FOCAD: variants seen among roughly 807,000 people sequenced by gnomAD.
FOCAD encodes the protein KIAA1797.
In FOCAD, 198 loss-of-function variants were observed where a neutral mutation model predicts 225.6. The observed-to-expected ratio is 0.88, with a 90% CI of 0.78 to 0.99. FOCAD has a LOEUF of 0.99. Among genes scored for constraint, FOCAD ranks in the 50% least tolerant of loss-of-function variants. The probability of loss-of-function intolerance (pLI) is 0.00; values close to 1 mark genes in which losing one functional copy is unlikely to be tolerated. For missense variants in FOCAD, 2,713 were observed against 2,123.6 expected (o/e 1.28, Z -5.46); for synonymous variants, 897 against 755.0 (o/e 1.19, Z -3.08).
chr9:20,749,856 T>G (rs894162699), intron 5 of FOCAD, among the ~76,000 whole-genome samples: 5 of 152,120 alleles, frequency 3.3e-5, no homozygotes, highest in African/African-American at 9.7e-5. Context: ...CTATTTTTTT[T>G]AACCCCCTCA....
At chr9:20,940,519 G>T (rs913996382) in intron 28 of FOCAD, among the ~76,000 whole-genome samples, 1 of 151,966 alleles carries the variant, frequency 6.6e-6, no homozygotes, top group African/African-American at 2.4e-5. Context: ...TCCTGGCCTC[G>T]AGTAATCCTC....
rs185786107 is a variant in FOCAD, at chr9:20,772,050, C to G, written c.906+1812C>G. On this transcript the variant is annotated intron_variant, in intron 8 of 43. Coordinates refer to ENST00000338382, the MANE Select transcript of FOCAD (RefSeq NM_001375567.1). Reference sequence around the variant, plus strand: ...ACATTTTGAGAGGACACAGTTCAGCCCATAGTGAGGGCCTAATGAGGGAAA... The same window carrying G: ...ACATTTTGAGAGGACACAGTTCAGCGCATAGTGAGGGCCTAATGAGGGAAA... 2.2e-3 allele frequency among the ~76,000 whole-genome samples: 340 copies of G among 152,178 alleles called. 1 individual carries two copies. Among genetic ancestry groups the G allele is most frequent in the Non-Finnish European group, 2.1e-3 (144 of 68,008 alleles).
intron 42 of FOCAD, 74 bp from the exon 43 acceptor site, chr9:20,993,179 G>T: frequency 7.9e-7 from 1 of 1,259,484 alleles, no homozygotes; most frequent in Non-Finnish European, 1.2e-6. Context: ...ATATATATAG[G>T]TCCAAGGGAA....
intron 18 of FOCAD, among the ~76,000 whole-genome samples, chr9:20,871,025 A>C (rs1298748915): frequency 6.6e-6 from 1 of 152,068 alleles, no homozygotes; most frequent in Admixed American, 6.6e-5. Flanking sequence ...CAGCAAGGTG[A>C]AACCCCCTCT....
rs191502388 is a variant in FOCAD, at chr9:20,967,179, A to G, written c.4133-9241A>G. On this transcript the variant is annotated intron_variant, in intron 35 of 43. Transcript: ENST00000338382. ...ACACAAGATGTCTTTCTATTTATTT[A>G]GGGCTGCTTTAATCTCTTTAGCATA... Among the ~76,000 whole-genome samples, 779 of 152,156 alleles carry G rather than the reference A, an allele frequency of 5.1e-3. 4 individuals carry two copies. Among genetic ancestry groups the G allele is most frequent in the Non-Finnish European group, 7.1e-3 (483 of 67,966 alleles).
At chr9:20,816,646 A>G (rs1823756650) in intron 11 of FOCAD, among the ~76,000 whole-genome samples, 1 of 152,140 alleles carries the variant, frequency 6.6e-6, no homozygotes, top group Admixed American at 6.6e-5. Flanking sequence ...AAATTGAATT[A>G]AAATAGATGT....
chr9:20,767,445 T>A (rs1313407312), intron 7 of FOCAD, among the ~76,000 whole-genome samples: 3 of 147,448 alleles, frequency 2.0e-5, no homozygotes, highest in East Asian at 3.9e-4. Flanking sequence ...CCACCAACAG[T>A]GTAAAAGTGT....
chr9:20,778,231 G>A (rs914157173), intron 8 of FOCAD, among the ~76,000 whole-genome samples: 2 of 151,412 alleles, frequency 1.3e-5, no homozygotes, highest in Admixed American at 6.6e-5. Context: ...ATGTGTGACT[G>A]TGTGGCATTG....
intron 18 of FOCAD, among the ~76,000 whole-genome samples, chr9:20,869,934 AT>A (rs1262371468): frequency 6.6e-6 from 1 of 152,006 alleles, no homozygotes; most frequent in Admixed American, 6.6e-5. Flanking sequence ...GATAAGAATG[AT>A]TTTTCCCTTT....
At chr9:20,882,192 G>A (rs1830728042) in intron 20 of FOCAD, 136 bp downstream of exon 20, 22 of 756,354 alleles carry the variant, frequency 2.9e-5, no homozygotes, top group Middle Eastern at 3.7e-4. Context: ...AAAAATCATC[G>A]CACTTTAAAA....
chr9:20,881,641 A>C (rs1244919185), intron 19 of FOCAD, among the ~76,000 whole-genome samples: 1 of 152,158 alleles, frequency 6.6e-6, no homozygotes, highest in Non-Finnish European at 1.5e-5. Flanking sequence ...TTGCTAATGG[A>C]TTACATGTAA....
intron 21 of FOCAD, among the ~76,000 whole-genome samples, chr9:20,900,643 G>C (rs761806671): frequency 6.6e-6 from 1 of 151,856 alleles, no homozygotes; most frequent in Non-Finnish European, 1.5e-5. Flanking sequence ...TGAACATTGT[G>C]AATAATAATG....
intron 15 of FOCAD, among the ~76,000 whole-genome samples, chr9:20,825,993 G>A (rs1044313281): frequency 3.3e-5 from 5 of 152,034 alleles, no homozygotes; most frequent in Admixed American, 3.3e-4. Flanking sequence ...AGAGAAATTT[G>A]TCCCTTCCTT....
chr9:20,691,345 T>G (rs974226132), intron 1 of FOCAD, among the ~76,000 whole-genome samples: 4 of 152,182 alleles, frequency 2.6e-5, no homozygotes, highest in Non-Finnish European at 4.4e-5. Flanking sequence ...CTTTACTGGT[T>G]CTTCCTTATC....
At chr9:20,749,400 T>C (rs1336240981) in intron 5 of FOCAD, among the ~76,000 whole-genome samples, 4 of 152,282 alleles carry the variant, frequency 2.6e-5, no homozygotes, top group Non-Finnish European at 4.4e-5. Flanking sequence ...TGTTGTAGGA[T>C]ATATAGAAAT....
intron 11 of FOCAD, among the ~76,000 whole-genome samples, chr9:20,802,826 C>T (rs905527709): frequency 2.6e-5 from 4 of 152,118 alleles, no homozygotes; most frequent in African/African-American, 7.2e-5. Context: ...TGAATTTGCT[C>T]ATTTGCTTTA....
intron 21 of FOCAD, among the ~76,000 whole-genome samples, chr9:20,905,952 A>C (rs1040696249): frequency 1.3e-5 from 2 of 151,628 alleles, no homozygotes; most frequent in Non-Finnish European, 2.9e-5. Flanking sequence ...TTTTTTAAAA[A>C]CAGCAATGCC....
rs72703990 is a variant in FOCAD at position 20,958,691 on chromosome 9, C to T, written c.4132+5626C>T. Among the ~76,000 whole-genome samples the T allele has an allele frequency of 6.3e-3, 957 of 152,216 alleles. 5 individuals are homozygous for T. Among genetic ancestry groups the T allele is most frequent in the Non-Finnish European group, 0.011 (749 of 68,004 alleles). ...AGTCTCTCCTTGTCTCTTTCTTCCC[C>T]CTGCTCTTTCCTAGCCTCTAAGTAT... On this transcript the variant is annotated intron_variant, in intron 35 of 43. Transcript: ENST00000338382.
At chr9:20,872,633 T>TCTTG (rs1214611963) in intron 18 of FOCAD, among the ~76,000 whole-genome samples, 2 of 151,892 alleles carry the variant, frequency 1.3e-5, no homozygotes, top group African/African-American at 4.8e-5. Context: ...TTCTTTTCTT[T>TCTTG]CTTGCTTGCT....
Sources: gnomAD v4.1 joint callset for allele counts (sites outside exome capture counted in the v4.1 genomes callset) on GRCh38, gnomAD v4.1.1 for gene constraint, MANE v1.5 for transcripts, NCBI Gene and HGNC (gene_info 2026-07-23, HGNC 2026-07-21) for gene names.